Variants in BLTP1 observed in about 807,000 individuals in gnomAD.
The protein encoded by BLTP1 is fragile site-associated protein.
At chr4:122,204,141 A>G in the BLTP1 span, among the ~76,000 whole-genome samples, 6 of 151,892 alleles carry the variant, frequency 4.0e-5, no homozygotes, top group Non-Finnish European at 1.5e-5. Flanking sequence ...TCTCAAGTAC[A>G]TTGGCATGTG....
the BLTP1 span, chr4:122,344,644 TAA>T: frequency 1.6e-6 from 2 of 1,213,214 alleles, no homozygotes; most frequent in Non-Finnish European, 2.4e-6. Context: ...GTTTAAATAT[TAA>T]GTCACTTAAT....
the BLTP1 span, among the ~76,000 whole-genome samples, chr4:122,329,898 C>T: frequency 6.6e-6 from 1 of 151,728 alleles, no homozygotes; most frequent in Non-Finnish European, 1.5e-5. Context: ...AGACCCTTAA[C>T]CCCTGACAAC....
the BLTP1 span, among the ~76,000 whole-genome samples, chr4:122,295,173 A>G: frequency 6.6e-6 from 1 of 152,202 alleles, no homozygotes; most frequent in African/African-American, 2.4e-5. Context: ...AATGGAACCA[A>G]CTTGGAAAAC....
At chr4:122,184,832 C>T in the BLTP1 span, 3 of 985,188 alleles carry the variant, frequency 3.0e-6, no homozygotes, top group Admixed American at 1.8e-4. Flanking sequence ...CAAAACTTAG[C>T]CTTTGTTCAA....
chr4:122,342,096 T>C, the BLTP1 span, among the ~76,000 whole-genome samples: 3 of 152,142 alleles, frequency 2.0e-5, no homozygotes, highest in Admixed American at 1.3e-4. Flanking sequence ...ACACATACTT[T>C]TAGAATACCA....
the BLTP1 span, chr4:122,200,656 C>T: frequency 1.0e-6 from 1 of 984,368 alleles, no homozygotes; most frequent in Non-Finnish European, 1.2e-6. Flanking sequence ...GCATCACACT[C>T]TATCTTCCTT....
At chr4:122,201,048 C>T in the BLTP1 span, 5 of 1,613,454 alleles carry the variant, frequency 3.1e-6, no homozygotes, top group Non-Finnish European at 4.2e-6. Flanking sequence ...ATGGAACATG[C>T]CGCAGACATG....
At chr4:122,191,080 A>G in the BLTP1 span, among the ~76,000 whole-genome samples, 1 of 152,174 alleles carries the variant, frequency 6.6e-6, no homozygotes, top group Non-Finnish European at 1.5e-5. Flanking sequence ...TCAAAATCAC[A>G]TTAAAATTTC....
chr4:122,329,909 C>T, the BLTP1 span, among the ~76,000 whole-genome samples: 1 of 151,766 alleles, frequency 6.6e-6, no homozygotes, highest in Non-Finnish European at 1.5e-5. Context: ...CCCTGACAAC[C>T]ACCATTCTAT....
the BLTP1 span, chr4:122,359,565 C>G: frequency 1.2e-6 from 2 of 1,609,278 alleles, no homozygotes; most frequent in Non-Finnish European, 1.7e-6. Flanking sequence ...AGCCATCTTT[C>G]CACCTCGGAT....
chr4:122,279,535 T>C, the BLTP1 span, among the ~76,000 whole-genome samples: 1 of 152,190 alleles, frequency 6.6e-6, no homozygotes, highest in Non-Finnish European at 1.5e-5. Flanking sequence ...CAAACTGATA[T>C]CTTATCCTTC....
chr4:122,189,869 A>G, the BLTP1 span: 2 of 1,344,022 alleles, frequency 1.5e-6, no homozygotes, highest in Non-Finnish European at 1.9e-6. Flanking sequence ...TCTTTTCAGG[A>G]TGCTACTTGT....
chr4:122,341,305 A>C, the BLTP1 span, among the ~76,000 whole-genome samples: 4 of 152,176 alleles, frequency 2.6e-5, no homozygotes, highest in Admixed American at 6.5e-5. Flanking sequence ...AGCTCACTGT[A>C]TTCTTCCCAA....
At chr4:122,231,884 A>G in the BLTP1 span, 1 of 891,280 alleles carries the variant, frequency 1.1e-6, no homozygotes, top group Non-Finnish European at 1.3e-6. Flanking sequence ...TATTGAAATT[A>G]CATTAATCTT....
At chr4:122,335,995 C>A in the BLTP1 span, 1 of 432,596 alleles carries the variant, frequency 2.3e-6, no homozygotes. Context: ...TAGGAATAAC[C>A]AACTTATTAT....
chr4:122,178,869 A>C, the BLTP1 span, among the ~76,000 whole-genome samples: 1 of 152,240 alleles, frequency 6.6e-6, no homozygotes, highest in Non-Finnish European at 1.5e-5. Flanking sequence ...TTAAATAAAA[A>C]TAATAAATAG....
chr4:122,313,988 G>T, the BLTP1 span: 1 of 925,034 alleles, frequency 1.1e-6, no homozygotes, highest in Non-Finnish European at 1.3e-6. Context: ...TAAGGCACAT[G>T]TACAAAATTA....
chr4:122,286,421 A>G, the BLTP1 span: 2 of 1,485,898 alleles, frequency 1.3e-6, no homozygotes, highest in African/African-American at 2.8e-5. Context: ...CCTTTCATAT[A>G]TTTCAAGATA....
the BLTP1 span, among the ~76,000 whole-genome samples, chr4:122,358,267 A>G: frequency 1.8e-3 from 279 of 152,328 alleles, 1 homozygote; most frequent in Middle Eastern, 6.8e-3. Flanking sequence ...TCTCTTGGGT[A>G]TGATGTGAAA....
Sources: allele counts gnomAD v4.1 joint callset (sites outside exome capture counted in the v4.1 genomes callset), GRCh38; gene constraint gnomAD v4.1.1; transcripts MANE v1.5; gene names NCBI Gene and HGNC (gene_info 2026-07-23, HGNC 2026-07-21).